FOXP2: variants seen among roughly 807,000 people sequenced by gnomAD.
The protein encoded by FOXP2 is forkhead box protein P2.
Under a neutral mutation model 115.8 loss-of-function variants are expected in FOXP2, and 12 were observed. The observed-to-expected ratio is 0.10, with a 90% CI of 0.07 to 0.17. The LOEUF (loss-of-function observed/expected upper bound fraction) is 0.17, where lower values mean the gene tolerates loss of function less well. Ranked by LOEUF, FOXP2 falls within the 10% of genes least tolerant of loss-of-function variation. FOXP2 has a pLI of 1.00. For missense variants in FOXP2, 629 were observed against 843.5 expected (o/e 0.75, Z 3.15); for synonymous variants, 328 against 297.7 (o/e 1.10, Z -1.05).
chr7:114,389,634 G>A (rs183445682), intron 2 of FOXP2, among the ~76,000 whole-genome samples: 1 of 152,124 alleles, frequency 6.6e-6, no homozygotes, highest in Non-Finnish European at 1.5e-5. Flanking sequence ...CAAATTGCAG[G>A]ATGAAGATGA....
chr7:114,396,191 C>T (rs534444810), intron 2 of FOXP2, among the ~76,000 whole-genome samples: 1 of 151,794 alleles, frequency 6.6e-6, no homozygotes, highest in African/African-American at 2.4e-5. Flanking sequence ...CCTCTGGTAA[C>T]CATCCCTCTA....
intron 1 of FOXP2, among the ~76,000 whole-genome samples, chr7:114,119,506 C>T (rs1051179515): frequency 3.3e-5 from 5 of 151,622 alleles, no homozygotes; most frequent in African/African-American, 9.7e-5. Flanking sequence ...TTTGGGAGGC[C>T]GAAGTGGGAG....
At chr7:114,541,420 G>A (rs1016152987) in intron 3 of FOXP2, among the ~76,000 whole-genome samples, 1 of 151,930 alleles carries the variant, frequency 6.6e-6, no homozygotes, top group East Asian at 1.9e-4. Flanking sequence ...CAACAAAAGG[G>A]GGAGTTTATA....
intron 3 of FOXP2, among the ~76,000 whole-genome samples, chr7:114,558,408 C>T (rs1401390664): frequency 1.3e-5 from 2 of 152,156 alleles, no homozygotes; most frequent in Admixed American, 6.5e-5. Context: ...AGAGAAAAGA[C>T]AGGTGGTGTA....
chr7:114,553,649 A>G (rs1800316854), intron 3 of FOXP2, among the ~76,000 whole-genome samples: 2 of 152,184 alleles, frequency 1.3e-5, no homozygotes, highest in South Asian at 4.1e-4. Context: ...TAATTTAAGT[A>G]TATGAACTAG....
chr7:114,618,385 C>T (rs1434203657), intron 3 of FOXP2, among the ~76,000 whole-genome samples: 1 of 152,132 alleles, frequency 6.6e-6, no homozygotes, highest in Non-Finnish European at 1.5e-5. Context: ...AGAATGGAGA[C>T]TAAGACACAA....
chr7:114,317,565 G>A (rs1299696911), intron 2 of FOXP2, among the ~76,000 whole-genome samples: 4 of 151,968 alleles, frequency 2.6e-5, no homozygotes, highest in African/African-American at 9.6e-5. Context: ...ATCACCTCCT[G>A]CCTAGAATTT....
chr7:114,541,104 C>T (rs990750009), intron 3 of FOXP2, among the ~76,000 whole-genome samples: 1 of 151,930 alleles, frequency 6.6e-6, no homozygotes, highest in Non-Finnish European at 1.5e-5. Context: ...TTTAGGTAGG[C>T]ATGATGATGA....
At chr7:114,223,848 T>A (rs180858420) in intron 1 of FOXP2, among the ~76,000 whole-genome samples, 1 of 151,870 alleles carries the variant, frequency 6.6e-6, no homozygotes, top group Non-Finnish European at 1.5e-5. Flanking sequence ...AATTTTAATT[T>A]AATTTATCAA....
intron 1 of FOXP2, among the ~76,000 whole-genome samples, chr7:114,207,042 A>T (rs182282765): frequency 3.9e-5 from 6 of 152,316 alleles, no homozygotes. Context: ...GACATTTCAT[A>T]TAAATTGAGT....
At chr7:114,144,088 G>A in intron 1 of FOXP2, among the ~76,000 whole-genome samples, 1 of 152,074 alleles carries the variant, frequency 6.6e-6, no homozygotes, top group Admixed American at 6.5e-5. Context: ...AGATGATTTT[G>A]CCCATCTGCA....
chr7:114,127,604 T>G (rs1326731857), intron 1 of FOXP2, among the ~76,000 whole-genome samples: 1 of 152,132 alleles, frequency 6.6e-6, no homozygotes, highest in Admixed American at 6.6e-5. Context: ...ACGAAGAAGG[T>G]ATTAGATTGA....
chr7:114,328,017 A>G (rs1282239471), intron 2 of FOXP2, among the ~76,000 whole-genome samples: 1 of 149,084 alleles, frequency 6.7e-6, no homozygotes, highest in African/African-American at 2.5e-5. Context: ...ACTTTCTGGG[A>G]TCCATCAATC....
chr7:114,683,471 T>C (rs143732598), intron 16 of FOXP2, among the ~76,000 whole-genome samples: 2 of 152,306 alleles, frequency 1.3e-5, no homozygotes, highest in African/African-American at 2.4e-5. Context: ...CCTTTACTCA[T>C]CTGTAAAATG....
chr7:114,389,677 A>G (rs1437092546), intron 2 of FOXP2, among the ~76,000 whole-genome samples: 1 of 152,204 alleles, frequency 6.6e-6, no homozygotes, highest in East Asian at 1.9e-4. Context: ...AGTGGACCAT[A>G]GAATATATAA....
chr7:114,485,854 A>C (rs1433118338), intron 2 of FOXP2, among the ~76,000 whole-genome samples: 1 of 152,184 alleles, frequency 6.6e-6, no homozygotes, highest in Non-Finnish European at 1.5e-5. Context: ...TAAATTTTCC[A>C]AGTTGAGAAA....
rs2129186458 is a variant in FOXP2 at position 114,354,623 on chromosome 7, G to A, written c.-11+66514G>A. Among the ~76,000 whole-genome samples, 3 of 152,124 alleles carry A rather than the reference G, an allele frequency of 2.0e-5. No homozygotes were observed. The Middle Eastern group carries it at 0.01, about 517-fold the overall frequency. ...AAAAATGAAGGTCTCTCTGGATCCT[G>A]AAAATGTCATCTCAATTCTACCTTA... On this transcript the variant is annotated intron_variant, in intron 2 of 17. Transcript: ENST00000634411.
intron 2 of FOXP2, among the ~76,000 whole-genome samples, chr7:114,521,146 A>G (rs1388850379): frequency 1.3e-5 from 2 of 152,192 alleles, no homozygotes; most frequent in Non-Finnish European, 1.5e-5. Context: ...TGATTATTTT[A>G]CATAGAGTAC....
intron 1 of FOXP2, among the ~76,000 whole-genome samples, chr7:114,199,749 T>C (rs969589215): frequency 6.6e-6 from 1 of 152,228 alleles, no homozygotes; most frequent in Non-Finnish European, 1.5e-5. Flanking sequence ...ATCTTGTTCT[T>C]AAGTTTAATA....
Sources: allele counts gnomAD v4.1 joint callset (sites outside exome capture counted in the v4.1 genomes callset), GRCh38; gene constraint gnomAD v4.1.1; transcripts MANE v1.5; gene names NCBI Gene and HGNC (gene_info 2026-07-23, HGNC 2026-07-21).